Variants in DMD observed in about 807,000 individuals in gnomAD.
DMD encodes mutant dystrophin.
In DMD, 63 loss-of-function variants were observed where a neutral mutation model predicts 330.1. That is an observed-to-expected ratio of 0.19 (90% confidence interval 0.16 to 0.24). The LOEUF (loss-of-function observed/expected upper bound fraction) is 0.24. Ranked by LOEUF, DMD falls within the 10% of genes least tolerant of loss-of-function variation. The pLI, the probability that DMD is intolerant of heterozygous loss-of-function variation, is 1.00. For synonymous variants in DMD, 1,223 were observed against 959.8 expected, an observed-to-expected ratio of 1.27 and a Z score of -5.07; for missense variants, 3,344 against 2,684.1, an observed-to-expected ratio of 1.25 and a Z score of -5.43.
At chrX:32,040,571 G>T (rs1236265332) in intron 44 of DMD, among the ~76,000 whole-genome samples, 3 of 111,557 alleles carry the variant, frequency 2.7e-5, no homozygotes, top group African/African-American at 6.5e-5. Flanking sequence ...TCTCTGGATG[G>T]GGGGGAGTCA....
intron 7 of DMD, among the ~76,000 whole-genome samples, chrX:32,749,503 TAAAC>T (rs747484309): frequency 7.9e-4 from 89 of 112,696 alleles, no homozygotes; most frequent in Admixed American, 1.4e-3. Flanking sequence ...ACAAGGTTAT[TAAAC>T]AGTTTATAAA....
Position 33,284,733 on chromosome X carries a change from C to CA in DMD, c.7+54525_7+54526insT, listed in dbSNP as rs1569559527. Among the ~76,000 whole-genome samples, 27 of 56,148 alleles carry CA rather than the reference C, an allele frequency of 4.8e-4. 5 individuals are homozygous for CA. The highest frequency in any genetic ancestry group is 1.3e-3 in the African/African-American group (27 of 20,145). The allele number at this position is 56,148 out of a possible 115,157, so 48.8% of individuals were successfully genotyped here. ...CAAAAGAAAAGACTTTAAAAATCAT[C>CA]TTTTTTTTTTTGCCCTAATGCTTAA... On this transcript the variant is annotated intron_variant, in intron 1 of 17. Transcript: ENST00000288447.
At position 32,118,913 on chromosome X, in the gene DMD, G is replaced by A. The variant is rs191450276; in HGVS notation, c.6438+98003C>T. ...GTGTGGACAGTTCACAATAGGGTTC[G>A]TGATCCTATGAGAATCTAATACCGC... On this transcript the variant is annotated intron_variant, in intron 44 of 78. Coordinates refer to ENST00000357033, the MANE Select transcript of DMD (RefSeq NM_004006.3). 7.2e-5 allele frequency among the ~76,000 whole-genome samples: 8 copies of A among 110,840 alleles called. No homozygotes were observed. In the East Asian group the frequency reaches 2.0e-3, roughly 28 times the overall value.
intron 45 of DMD, among the ~76,000 whole-genome samples, chrX:31,965,890 C>A (rs773414942): frequency 9.8e-5 from 11 of 111,777 alleles, no homozygotes; most frequent in Non-Finnish European, 1.9e-4. Flanking sequence ...CATAGACTAA[C>A]CTTCTTGGAT....
intron 55 of DMD, among the ~76,000 whole-genome samples, chrX:31,613,168 G>A (rs1411954703): frequency 8.9e-6 from 1 of 112,169 alleles, no homozygotes; most frequent in Non-Finnish European, 1.9e-5. Context: ...AAAACTTTTT[G>A]ATACTTCTCC....
intron 4 of DMD, among the ~76,000 whole-genome samples, chrX:32,843,121 T>C (rs781564595): frequency 1.2e-4 from 13 of 112,187 alleles, no homozygotes; most frequent in Non-Finnish European, 2.3e-4. Flanking sequence ...CCGCATTTTC[T>C]TTATGCAGGA....
chrX:31,410,155 C>T (rs1439726150), intron 60 of DMD, among the ~76,000 whole-genome samples: 1 of 112,325 alleles, frequency 8.9e-6, no homozygotes, highest in East Asian at 2.8e-4. Context: ...CATCTTTAAC[C>T]TTTAATGTAA....
chrX:32,990,649 A>G (rs997413354), intron 2 of DMD, among the ~76,000 whole-genome samples: 1 of 111,853 alleles, frequency 8.9e-6, no homozygotes, highest in Middle Eastern at 4.6e-3. Flanking sequence ...ATGGTTCATA[A>G]CTACAACCAC....
chrX:32,197,500 T>C (rs2097011776), intron 44 of DMD, among the ~76,000 whole-genome samples: 1 of 111,710 alleles, frequency 9.0e-6, no homozygotes, highest in Non-Finnish European at 1.9e-5. Flanking sequence ...ATTTTTGACT[T>C]AAGATATAGT....
chrX:31,719,353 A>C (rs1036101418), intron 52 of DMD, among the ~76,000 whole-genome samples: 5 of 112,317 alleles, frequency 4.5e-5, no homozygotes, highest in African/African-American at 1.6e-4. Flanking sequence ...CACTAACATA[A>C]AAGTAATAAT....
chrX:32,949,628 T>G, intron 2 of DMD, among the ~76,000 whole-genome samples: 1 of 111,446 alleles, frequency 9.0e-6, no homozygotes. Flanking sequence ...TCCTTTACAT[T>G]CAAAGTGTTG....
At chrX:32,527,273 T>C (rs1304941796) in intron 17 of DMD, among the ~76,000 whole-genome samples, 1 of 112,170 alleles carries the variant, frequency 8.9e-6, no homozygotes, top group Non-Finnish European at 1.9e-5. Context: ...CTATAATTAT[T>C]CTTTGTTGGT....
chrX:33,162,466 T>C (rs1337955348), intron 1 of DMD, among the ~76,000 whole-genome samples: 2 of 111,377 alleles, frequency 1.8e-5, no homozygotes, highest in African/African-American at 3.3e-5. Flanking sequence ...AGCCCTACAC[T>C]AGGATGATAG....
chrX:31,957,690 G>GA (rs1333840302), intron 45 of DMD, among the ~76,000 whole-genome samples: 29 of 111,792 alleles, frequency 2.6e-4, no homozygotes, highest in African/African-American at 8.4e-4. Context: ...AACCTTTGTA[G>GA]AAAAAATCAC....
chrX:32,335,471 CAT>C (rs764783560), intron 41 of DMD, among the ~76,000 whole-genome samples: 2 of 98,288 alleles, frequency 2.0e-5, no homozygotes, highest in African/African-American at 7.2e-5. Flanking sequence ...GTATATATAA[CAT>C]GTATTTATAA....
At chrX:32,642,857 T>G (rs1342298689) in intron 11 of DMD, among the ~76,000 whole-genome samples, 1 of 111,175 alleles carries the variant, frequency 9.0e-6, no homozygotes, top group Non-Finnish European at 1.9e-5. Context: ...TGGTGGCTAT[T>G]ATGGCAAGGA....
At chrX:31,687,814 T>C (rs1241535435) in intron 52 of DMD, among the ~76,000 whole-genome samples, 1 of 112,183 alleles carries the variant, frequency 8.9e-6, no homozygotes, top group African/African-American at 3.2e-5. Flanking sequence ...TTTAGGATTC[T>C]TTCTTTATCC....
chrX:32,731,200 C>T (rs988181335), intron 7 of DMD, among the ~76,000 whole-genome samples: 11 of 112,116 alleles, frequency 9.8e-5, no homozygotes, highest in East Asian at 2.8e-4. Context: ...TGCGTGTTTC[C>T]GACGGGCTTA....
chrX:32,372,579 A>T (rs1392894544), intron 34 of DMD, among the ~76,000 whole-genome samples: 1 of 111,754 alleles, frequency 8.9e-6, no homozygotes, highest in Non-Finnish European at 1.9e-5. Context: ...GGTGATAAAT[A>T]TCACTGTGAT....
Sources: allele counts gnomAD v4.1 joint callset (sites outside exome capture counted in the v4.1 genomes callset), GRCh38; gene constraint gnomAD v4.1.1; transcripts MANE v1.5; gene names NCBI Gene and HGNC (gene_info 2026-07-23, HGNC 2026-07-21).